RNF212B: variants seen among roughly 807,000 people sequenced by gnomAD.
The protein encoded by RNF212B is ring finger protein 212B.
RNF212B carries 52 observed loss-of-function variants against 55.5 expected under a neutral mutation model. That is an observed-to-expected ratio of 0.94 (90% CI 0.75 to 1.18). The LOEUF is 1.18. Ranked by LOEUF, RNF212B falls within the 50% of genes most tolerant of loss-of-function variation. RNF212B has a pLI of 0.00. For synonymous variants in RNF212B, 99 were observed against 121.4 expected (o/e 0.82, Z 1.21); for missense variants, 289 against 350.4 (o/e 0.82, Z 1.40).
chr14:23,258,779 T>A (rs1885059052), intron 5 of RNF212B, 115 bp downstream of exon 5: 1 of 462,438 alleles, frequency 2.2e-6, no homozygotes, highest in African/African-American at 2.0e-5. Flanking sequence ...TTTGTTTGTT[T>A]GGGAAAATCA....
chr14:23,271,686 G>A (rs1309100533), intron 14 of RNF212B, among the ~76,000 whole-genome samples: 1 of 152,006 alleles, frequency 6.6e-6, no homozygotes, highest in East Asian at 1.9e-4. Flanking sequence ...CACTGGGGAA[G>A]TAACATTCCT....
At chr14:23,214,628 A>C (rs1022124863) in intron 2 of RNF212B, among the ~76,000 whole-genome samples, 8 of 110,604 alleles carry the variant, frequency 7.2e-5, no homozygotes, top group African/African-American at 2.6e-4. Context: ...GATCAATAAC[A>C]GAATGAATAA....
chr14:23,211,678 CA>C lies in RNF212B; in HGVS notation c.-2+18282del, dbSNP rs772750795. 3.0e-4 allele frequency among the ~76,000 whole-genome samples: 46 copies of C among 152,244 alleles called. 1 individual carries two copies. Among genetic ancestry groups the C allele is most frequent in the Non-Finnish European group, 8.8e-5 (6 of 68,008 alleles). ...AGGAACACATAATTGATTTAACATT[CA>C]AAAACAATGTAATTCACCATAGAGA... On this transcript the variant is annotated intron_variant, in intron 2 of 15. Transcript: ENST00000399910.
chr14:23,223,362 C>G (rs1014032341), intron 2 of RNF212B, among the ~76,000 whole-genome samples: 4 of 146,590 alleles, frequency 2.7e-5, no homozygotes, highest in African/African-American at 5.0e-5. Flanking sequence ...AAAGCCTTTC[C>G]TTTTTTTTTT....
At chr14:23,209,869 C>G (rs1880308027) in intron 2 of RNF212B, among the ~76,000 whole-genome samples, 1 of 152,182 alleles carries the variant, frequency 6.6e-6, no homozygotes, top group Admixed American at 6.5e-5. Flanking sequence ...ACATCTATGA[C>G]TGGCCCAGTG....
chr14:23,224,272 A>G (rs1478260927), intron 2 of RNF212B, among the ~76,000 whole-genome samples: 3 of 152,180 alleles, frequency 2.0e-5, no homozygotes, highest in African/African-American at 4.8e-5. Context: ...GTATGAAACA[A>G]CAGAAGACCC....
At chr14:23,207,532 T>C (rs1420830988) in intron 2 of RNF212B, among the ~76,000 whole-genome samples, 3 of 152,196 alleles carry the variant, frequency 2.0e-5, no homozygotes, top group Non-Finnish European at 4.4e-5. Context: ...AGATCAGGCA[T>C]TCTCTGTAGA....
chr14:23,199,251 G>GT (rs1210387920), intron 2 of RNF212B, among the ~76,000 whole-genome samples: 1 of 152,212 alleles, frequency 6.6e-6, no homozygotes, highest in Admixed American at 6.5e-5. Flanking sequence ...ATCAATATAT[G>GT]TAAGAAGTAC....
chr14:23,241,654 C>T (rs913428750), intron 2 of RNF212B, among the ~76,000 whole-genome samples: 1 of 151,930 alleles, frequency 6.6e-6, no homozygotes, highest in Non-Finnish European at 1.5e-5. Context: ...GAACTCCCGG[C>T]CTCAAGTGAT....
chr14:23,233,961 G>A (rs1717171500), upstream of RNF212B, among the ~76,000 whole-genome samples: 1 of 152,092 alleles, frequency 6.6e-6, no homozygotes, highest in Admixed American at 6.6e-5. Flanking sequence ...GCCAGGCCTG[G>A]TGGTGTGTGC....
At chr14:23,243,904 C>T (rs1566424644) in intron 3 of RNF212B, among the ~76,000 whole-genome samples, 1 of 151,692 alleles carries the variant, frequency 6.6e-6, no homozygotes, top group Non-Finnish European at 1.5e-5. Flanking sequence ...TGAGGAAACC[C>T]TCGTCTCTAC....
chr14:23,195,579 C>T (rs893452450), intron 2 of RNF212B, among the ~76,000 whole-genome samples: 11 of 152,166 alleles, frequency 7.2e-5, no homozygotes, highest in African/African-American at 2.7e-4. Context: ...CTACTTCATG[C>T]ACTCATTTCG....
At chr14:23,211,219 A>G (rs1880486518) in intron 2 of RNF212B, among the ~76,000 whole-genome samples, 1 of 85,680 alleles carries the variant, frequency 1.2e-5, no homozygotes, top group African/African-American at 4.0e-5. Context: ...CTCTGTCTCA[A>G]AAAAAAAAAG....
chr14:23,228,462 CAAAAAA>C (rs776673043), intron 2 of RNF212B, among the ~76,000 whole-genome samples: 18 of 76,100 alleles, frequency 2.4e-4, no homozygotes, highest in Non-Finnish European at 2.9e-4. Context: ...CTATCTCTAC[CAAAAAA>C]AAAAAAAAAA....
At chr14:23,208,073 A>G (rs1339274834) in intron 2 of RNF212B, among the ~76,000 whole-genome samples, 1 of 152,184 alleles carries the variant, frequency 6.6e-6, no homozygotes, top group Non-Finnish European at 1.5e-5. Flanking sequence ...GGTTTGCCCT[A>G]AGCAGTTCCC....
At chr14:23,215,734 T>A (rs1433543297) in intron 2 of RNF212B, among the ~76,000 whole-genome samples, 1 of 151,956 alleles carries the variant, frequency 6.6e-6, no homozygotes, top group East Asian at 1.9e-4. Flanking sequence ...TAATGAAAAT[T>A]TTTCAAACAG....
intron 2 of RNF212B, among the ~76,000 whole-genome samples, chr14:23,230,930 T>C (rs1350123605): frequency 6.6e-6 from 1 of 152,196 alleles, no homozygotes; most frequent in Non-Finnish European, 1.5e-5. Flanking sequence ...TGACCATAGA[T>C]GTGAGGGTTT....
At chr14:23,211,632 C>A (rs1002610739) in intron 2 of RNF212B, among the ~76,000 whole-genome samples, 1 of 152,138 alleles carries the variant, frequency 6.6e-6, no homozygotes, top group Non-Finnish European at 1.5e-5. Flanking sequence ...AAGGATAATA[C>A]GTCATGAACA....
chr14:23,210,487 T>C (rs1466962207), intron 2 of RNF212B, among the ~76,000 whole-genome samples: 1 of 152,048 alleles, frequency 6.6e-6, no homozygotes, highest in Admixed American at 6.6e-5. Flanking sequence ...CACATAGAAA[T>C]GTAGGATGGG....
Sources: allele counts gnomAD v4.1 joint callset (sites outside exome capture counted in the v4.1 genomes callset), GRCh38; gene constraint gnomAD v4.1.1; transcripts MANE v1.5; gene names NCBI Gene and HGNC (gene_info 2026-07-23, HGNC 2026-07-21).